Variants in MTMR1 observed in about 807,000 individuals in gnomAD.
MTMR1 encodes the protein phosphatidylinositol-3-phosphate phosphatase MTMR1.
Under a neutral mutation model 51.6 loss-of-function variants are expected in MTMR1, and 17 were observed. The ratio of observed to expected loss-of-function variants is 0.33; its 90% CI spans 0.23 to 0.49. The LOEUF is 0.49. MTMR1 is among the 20% of genes least tolerant of loss of function. MTMR1 has a pLI of 0.99. For missense variants in MTMR1, 386 were observed against 526.9 expected (o/e 0.73, Z 2.62); for synonymous variants, 201 against 205.6 (o/e 0.98, Z 0.19).
intron 15 of MTMR1, among the ~76,000 whole-genome samples, chrX:150,758,272 C>G (rs2042964475): frequency 9.0e-6 from 1 of 111,391 alleles, no homozygotes; most frequent in African/African-American, 3.3e-5. Flanking sequence ...CCCCTCCACA[C>G]CCAGTCCTCT....
rs566460634 is a variant in MTMR1, at chrX:150,730,195, T to G, written c.642T>G (p.Pro214=). Residue 214 remains proline (P), a synonymous_variant, in exon 7 of 16, where the codon CCT becomes CCG. Coordinates refer to ENST00000445323, the MANE Select transcript of MTMR1 (RefSeq NM_001306144.3). The part of the protein sequence containing the change: ...IFENLNKHAF[P]LSNGQALFAF... ...AAAACCTCAACAAACATGCATTTCC[T>G]CTTTCTAACGGACAGGTAAATACAC... 20 of 1,192,183 alleles carry G rather than the reference T, an allele frequency of 1.7e-5. No homozygotes were observed. The South Asian group carries it at 3.5e-4, about 21-fold the overall frequency.
In MTMR1 at chrX:150,739,652, A is replaced by G. The variant is rs782437042; in HGVS notation, c.1473+2204A>G. 2.7e-5 allele frequency among the ~76,000 whole-genome samples: 3 copies of G among 112,386 alleles called. No individual in the cohort carries two copies. The South Asian group carries it at 1.1e-3, about 42-fold the overall frequency. ...CCTACAGCGCCCTGCTCCCATCCCT[A>G]CTTGCTAATCCTGGGGCTCACTGCA... On this transcript the variant is annotated intron_variant, in intron 12 of 15. Transcript: ENST00000445323.
At chrX:150,717,378 AAAAAG>A (rs1414376308) in intron 3 of MTMR1, among the ~76,000 whole-genome samples, 32 of 107,691 alleles carry the variant, frequency 3.0e-4, no homozygotes, top group Admixed American at 5.0e-4. Context: ...AAAAAAAAAA[AAAAAG>A]GAGAAGAAAA....
intron 12 of MTMR1, among the ~76,000 whole-genome samples, chrX:150,738,307 A>G (rs1557417236): frequency 1.8e-5 from 2 of 112,126 alleles, no homozygotes; most frequent in African/African-American, 6.5e-5. Flanking sequence ...ACAAATATCA[A>G]ATTTTCATGA....
intron 14 of MTMR1, among the ~76,000 whole-genome samples, chrX:150,752,340 G>C (rs1259121963): frequency 1.8e-5 from 2 of 111,043 alleles, no homozygotes; most frequent in Admixed American, 1.9e-4. Context: ...TTCTCTTTCT[G>C]ACCTTCAGTA....
intron 5 of MTMR1, 97 bp from the exon 6 acceptor site, chrX:150,727,587 C>A: frequency 3.1e-6 from 2 of 648,696 alleles, no homozygotes; most frequent in Non-Finnish European, 4.8e-6. Context: ...AGAGGAAATG[C>A]GAAGTAAACA....
intron 15 of MTMR1, among the ~76,000 whole-genome samples, chrX:150,759,203 C>G (rs1270070742): frequency 8.9e-6 from 1 of 112,500 alleles, no homozygotes; most frequent in African/African-American, 3.2e-5. Flanking sequence ...GGAACCAAAG[C>G]CTACATCCCC....
At chrX:150,730,245 T>C (rs782183636) in intron 7 of MTMR1, 35 bp downstream of exon 7, 298 of 968,058 alleles carry the variant, frequency 3.1e-4, no homozygotes, top group Non-Finnish European at 4.1e-4. Flanking sequence ...TCTGCATGCA[T>C]TTGTGGGGGT....
At chrX:150,695,343 G>A (rs782016691) in intron 1 of MTMR1, among the ~76,000 whole-genome samples, 24 of 112,121 alleles carry the variant, frequency 2.1e-4, no homozygotes, top group Non-Finnish European at 4.3e-4. Context: ...GCTCTCCATG[G>A]TGCTATGTGG....
In MTMR1 at chrX:150,764,010, C is replaced by T. The variant is rs2043217751; in HGVS notation, c.*1281C>T. 8.9e-6 allele frequency: 1 copy of T among 112,433 alleles called. No individual in the cohort carries two copies. The highest frequency in any genetic ancestry group is 1.9e-5 in the Non-Finnish European group (1 of 53,233). 9.3% of individuals were successfully genotyped at this position (112,433 alleles called of 1,213,427 possible). A position where few individuals can be genotyped will look rare whatever the true frequency, so the allele number is the denominator to read the frequency against. ...GGGTCCTGCCCCAGCAGGCCATGCC[C>T]CTCCCATGTGCCGTGCCTGTTGCTG... On this transcript the variant is annotated 3_prime_UTR_variant, in exon 16 of 16. Coordinates refer to ENST00000445323, the MANE Select transcript of MTMR1 (RefSeq NM_001306144.3).
chrX:150,704,571 C>T (rs1349837257), intron 2 of MTMR1, among the ~76,000 whole-genome samples: 3 of 111,710 alleles, frequency 2.7e-5, no homozygotes, highest in African/African-American at 9.8e-5. Flanking sequence ...TGAGGCACCC[C>T]TTTTTCTCTC....
chrX:150,737,642 A>T (rs1217801940), intron 12 of MTMR1, among the ~76,000 whole-genome samples, 194 bp downstream of exon 12: 2 of 112,402 alleles, frequency 1.8e-5, no homozygotes, highest in African/African-American at 6.5e-5. Flanking sequence ...GGGCGTTTTT[A>T]TTTTAGTGTA....
intron 12 of MTMR1, among the ~76,000 whole-genome samples, chrX:150,737,965 G>T (rs1365626407): frequency 1.8e-5 from 2 of 111,305 alleles, no homozygotes; most frequent in African/African-American, 6.6e-5. Context: ...TACTGAGTAG[G>T]CTGAGGCAGG....
At chrX:150,693,775 G>C (rs1289078668) in intron 1 of MTMR1, 99 bp downstream of exon 1, 1 of 588,980 alleles carries the variant, frequency 1.7e-6, no homozygotes, top group Non-Finnish European at 2.0e-6. Context: ...CGCAGGGCCT[G>C]GCGGTGGCGG....
intron 15 of MTMR1, among the ~76,000 whole-genome samples, chrX:150,757,980 C>T (rs1255428735): frequency 9.0e-6 from 1 of 111,266 alleles, no homozygotes; most frequent in Non-Finnish European, 1.9e-5. Context: ...GCCTGCTGCC[C>T]CTACACACCA....
chrX:150,700,701 C>T (rs977817567), intron 2 of MTMR1, among the ~76,000 whole-genome samples: 2 of 112,423 alleles, frequency 1.8e-5, no homozygotes, highest in Non-Finnish European at 3.8e-5. Flanking sequence ...AGAAACTGCC[C>T]GCTGAGTAGA....
Position 150,763,165 on chromosome X carries a change from C to G in MTMR1, c.*436C>G, listed in dbSNP as rs2043195094. The G allele has an allele frequency of 8.2e-6, 1 of 122,672 alleles. No individual in the cohort carries two copies. The highest frequency in any genetic ancestry group is 1.7e-5 in the Non-Finnish European group (1 of 59,149). 10.1% of individuals were successfully genotyped at this position (122,672 alleles called of 1,213,427 possible). ...CTTGGGGAGAAGACAGGCCACTGCC[C>G]TCTGTTCCACAGTTTTCTTCATGCA... On this transcript the variant is annotated 3_prime_UTR_variant, in exon 16 of 16. Coordinates refer to ENST00000445323, the MANE Select transcript of MTMR1 (RefSeq NM_001306144.3).
At chrX:150,751,942 G>GTTTTTTTT (rs2042751956) in intron 14 of MTMR1, among the ~76,000 whole-genome samples, 1 of 50,849 alleles carries the variant, frequency 2.0e-5, no homozygotes. Flanking sequence ...TTTTGACGGC[G>GTTTTTTTT]TTTTGTTCTT....
At chrX:150,755,113 G>A (rs1244293228) in intron 14 of MTMR1, among the ~76,000 whole-genome samples, 3 of 110,527 alleles carry the variant, frequency 2.7e-5, no homozygotes, top group East Asian at 2.8e-4. Context: ...GGAGTACAGC[G>A]GCACAATCAT....
Sources: gnomAD v4.1 joint callset for allele counts (sites outside exome capture counted in the v4.1 genomes callset) on GRCh38, gnomAD v4.1.1 for gene constraint, MANE v1.5 for transcripts, NCBI Gene and HGNC (gene_info 2026-07-23, HGNC 2026-07-21) for gene names.